FOXP2: variants seen among roughly 807,000 people sequenced by gnomAD.
FOXP2 encodes forkhead box P2.
A neutral mutation model predicts 115.8 loss-of-function variants in FOXP2; 12 were observed. That is an observed-to-expected ratio of 0.10 (90% confidence interval 0.07 to 0.17). FOXP2 has a LOEUF of 0.17. FOXP2 is among the 10% of genes least tolerant of loss of function. FOXP2 has a pLI of 1.00. For synonymous variants in FOXP2, 328 were observed against 297.7 expected (o/e 1.10, Z -1.05); for missense variants, 629 against 843.5 (o/e 0.75, Z 3.15).
Position 114,664,442 on chromosome 7 carries a change from T to C in FOXP2, c.2003+6T>C, listed in dbSNP as rs1195660999. On this transcript the variant is annotated splice_donor_region_variant and intron_variant, in intron 16 of 16. Transcript: ENST00000350908. ...TGCTCACCTCAGCCGCACATGTAAG[T>C]GTGGTTAACAGACTCTCTAAAGGGA... is the stretch of plus-strand genomic sequence containing the variant. The C allele has an allele frequency of 6.2e-7, 1 of 1,613,236 alleles. No individual in the cohort carries two copies. Among genetic ancestry groups the C allele is most frequent in the Non-Finnish European group, 8.5e-7 (1 of 1,179,588 alleles).
At chr7:114,172,675 G>A (rs1345462017) in intron 1 of FOXP2, among the ~76,000 whole-genome samples, 3 of 151,944 alleles carry the variant, frequency 2.0e-5, no homozygotes, top group Non-Finnish European at 4.4e-5. Flanking sequence ...GTACTTTAAA[G>A]TCTATTAATT....
At chr7:114,258,069 T>G (rs1795665578) in intron 1 of FOXP2, among the ~76,000 whole-genome samples, 1 of 152,210 alleles carries the variant, frequency 6.6e-6, no homozygotes, top group Middle Eastern at 3.2e-3. Flanking sequence ...TGATCTTGTT[T>G]CTGTTTTAAC....
chr7:114,441,292 A>G (rs558445542), intron 2 of FOXP2, among the ~76,000 whole-genome samples: 114 of 152,134 alleles, frequency 7.5e-4, no homozygotes, highest in Non-Finnish European at 8.7e-4. Context: ...TACTAAAAAT[A>G]CAAAAAAAAA....
At chr7:114,360,946 A>G (rs1233681987) in intron 2 of FOXP2, among the ~76,000 whole-genome samples, 1 of 152,158 alleles carries the variant, frequency 6.6e-6, no homozygotes, top group Admixed American at 6.5e-5. Flanking sequence ...TCTTAAAACC[A>G]CTCAGTGAAG....
At chr7:114,324,142 A>G (rs1022206469) in intron 2 of FOXP2, among the ~76,000 whole-genome samples, 1 of 151,802 alleles carries the variant, frequency 6.6e-6, no homozygotes, top group Non-Finnish European at 1.5e-5. Context: ...CAGCATTGTA[A>G]ATCCTCCTAT....
upstream of FOXP2, chr7:114,086,631 C>T: frequency 2.6e-6 from 1 of 389,616 alleles, no homozygotes. Context: ...TTGGCCCTCA[C>T]TCTGGCGCGC....
chr7:114,294,734 A>C (rs1562858323), intron 2 of FOXP2, among the ~76,000 whole-genome samples: 5 of 151,800 alleles, frequency 3.3e-5, no homozygotes, highest in Non-Finnish European at 5.9e-5. Flanking sequence ...CCAGCTACTC[A>C]GGAGGCTGAG....
intron 13 of FOXP2, 37 bp from the exon 14 acceptor site, chr7:114,662,028 A>G (rs751558365): frequency 1.2e-5 from 19 of 1,610,414 alleles, no homozygotes; most frequent in Admixed American, 3.3e-5. Flanking sequence ...AGACAATATT[A>G]TTTTTGCCAT....
rs561146394 is a variant in FOXP2 at position 114,201,985 on chromosome 7, T to C, written c.-102+38897T>C. On this transcript the variant is annotated intron_variant, in intron 1 of 17. Coordinates refer to the FOXP2 transcript ENST00000634411. ...GATATCTTCCCTGGAAACTATACTC[T>C]GTCTGCCTTTTCTCTGTTTATAGAT... Among the ~76,000 whole-genome samples, 3 of 152,342 alleles carry C rather than the reference T, an allele frequency of 2.0e-5. No homozygotes were observed. The South Asian group carries it at 6.2e-4, about 32-fold the overall frequency.
intron 2 of FOXP2, among the ~76,000 whole-genome samples, chr7:114,330,809 G>A (rs1797690163): frequency 6.6e-6 from 1 of 151,936 alleles, no homozygotes; most frequent in Non-Finnish European, 1.5e-5. Flanking sequence ...TTATAGTTTC[G>A]ATGCCACACC....
At chr7:114,610,615 A>G (rs2129317827) in intron 3 of FOXP2, among the ~76,000 whole-genome samples, 1 of 152,278 alleles carries the variant, frequency 6.6e-6, no homozygotes, top group South Asian at 2.1e-4. Flanking sequence ...ACCTTATTGA[A>G]CACCAGGTTC....
At position 114,113,606 on chromosome 7, in the gene FOXP2, T is replaced by A. The variant is rs149897516; in HGVS notation, c.-247+25768T>A. Among the ~76,000 whole-genome samples, 432 of 152,188 alleles carry A rather than the reference T, an allele frequency of 2.8e-3. 2 individuals are homozygous for A. Among genetic ancestry groups the A allele is most frequent in the African/African-American group, 9.9e-3 (413 of 41,546 alleles). ...GATGGTCTCAAACTCCTGGCACAAGTGATCCTCCTGCCTCAGCCTCCTGAG... is the reference window on the plus strand; with the variant it reads ...GATGGTCTCAAACTCCTGGCACAAGAGATCCTCCTGCCTCAGCCTCCTGAG... On this transcript the variant is annotated intron_variant, in intron 1 of 19. Coordinates refer to the FOXP2 transcript ENST00000635638.
intron 3 of FOXP2, among the ~76,000 whole-genome samples, chr7:114,568,155 A>C (rs1383569474): frequency 1.3e-5 from 2 of 151,936 alleles, no homozygotes; most frequent in Non-Finnish European, 2.9e-5. Context: ...GGACAGAGAA[A>C]TGTCACTATG....
chr7:114,182,599 A>C (rs1419105375), intron 1 of FOXP2, among the ~76,000 whole-genome samples: 1 of 151,798 alleles, frequency 6.6e-6, no homozygotes, highest in Non-Finnish European at 1.5e-5. Flanking sequence ...TTGAATATAA[A>C]CAACTATTGT....
At chr7:114,479,835 A>G (rs1435013990) in intron 2 of FOXP2, among the ~76,000 whole-genome samples, 1 of 151,512 alleles carries the variant, frequency 6.6e-6, no homozygotes, top group East Asian at 1.9e-4. Flanking sequence ...CAATTTACCA[A>G]TTGTTAACTA....
chr7:114,290,792 A>T (rs1796572045), intron 2 of FOXP2, among the ~76,000 whole-genome samples: 1 of 152,164 alleles, frequency 6.6e-6, no homozygotes, highest in Non-Finnish European at 1.5e-5. Flanking sequence ...GAAACCTTGA[A>T]CAAATCACCA....
At chr7:114,532,997 G>C (rs1185554714) in intron 2 of FOXP2, among the ~76,000 whole-genome samples, 1 of 151,908 alleles carries the variant, frequency 6.6e-6, no homozygotes, top group Non-Finnish European at 1.5e-5. Flanking sequence ...AGTAATTACA[G>C]ATTTTTTTGT....
intron 1 of FOXP2, among the ~76,000 whole-genome samples, chr7:114,212,485 A>C (rs1382346571): frequency 6.6e-6 from 1 of 152,016 alleles, no homozygotes; most frequent in African/African-American, 2.4e-5. Flanking sequence ...CATACCTAAA[A>C]TTTCATTTTT....
rs1808672434 is a variant in FOXP2 at position 114,691,662 on chromosome 7, C to T, written c.*1736C>T. 2.2e-6 allele frequency: 1 copy of T among 453,768 alleles called. No homozygotes were observed. Among genetic ancestry groups the T allele is most frequent in the Admixed American group, 2.4e-5 (1 of 42,514 alleles). 28.1% of individuals were successfully genotyped at this position (453,768 alleles called of 1,614,324 possible). ...CCAAGTCTTGATAATACTTTTTCCC[C>T]CAACCAAGGGACCTCATAACCTGAT... On this transcript the variant is annotated 3_prime_UTR_variant, in exon 17 of 17. Transcript: ENST00000350908.
Sources: allele counts gnomAD v4.1 joint callset (sites outside exome capture counted in the v4.1 genomes callset), GRCh38; gene constraint gnomAD v4.1.1; transcripts MANE v1.5; gene names NCBI Gene and HGNC (gene_info 2026-07-23, HGNC 2026-07-21).